TAF7: variants seen among roughly 807,000 people sequenced by gnomAD.
TAF7 encodes the protein transcription initiation factor TFIID subunit 7.
TAF7 carries 9 observed loss-of-function variants against 25.3 expected under a neutral mutation model. The observed-to-expected ratio is 0.36, with a 90% CI of 0.21 to 0.62. The LOEUF (loss-of-function observed/expected upper bound fraction) is 0.62. TAF7 is among the 20% of genes least tolerant of loss of function. The pLI, the probability that TAF7 is intolerant of heterozygous loss-of-function variation, is 0.72. For missense variants in TAF7, 311 were observed against 410.6 expected, an observed-to-expected ratio of 0.76 and a Z score of 2.10; for synonymous variants, 127 against 146.7, an observed-to-expected ratio of 0.87 and a Z score of 0.97.
rs559439189 is a variant in TAF7, at chr5:141,319,824, A to G, written c.221T>C (p.Met74Thr). The G allele has an allele frequency of 6.4e-5, 104 of 1,614,166 alleles. No homozygotes were observed. The South Asian group carries it at 9.0e-4, about 14-fold the overall frequency. Residue 74 changes from methionine (M) to threonine (T), a missense_variant, in exon 1 of 1, where the codon ATG becomes ACG. Physicochemically the swap from Met to Thr is moderately conservative, Grantham distance 81. This residue lies in a region of TAF7 where 119 missense variants were observed against 159.3 expected (regional missense o/e 0.75). Transcript: ENST00000313368. This position sits in a 1 kb window ranked among gnomAD's most constrained non-coding sequence, Gnocchi z 5.3. ...ASKLVDLPCV[M>T]ESLKTIDKKT... is the part of the protein sequence containing the mutation. ...TTTATCAATGGTTTTCAAGCTTTCC[A>G]TAACACAGGGCAGGTCTACTAATTT... is the stretch of plus-strand genomic sequence containing the variant.
Position 141,318,939 on chromosome 5 carries a change from C to G in TAF7, c.*56G>C, listed in dbSNP as rs1267972320. 2.3e-5 allele frequency: 34 copies of G among 1,459,030 alleles called. No individual in the cohort carries two copies. In the Admixed American group the frequency reaches 4.2e-4, roughly 18 times the overall value. The allele number at this position is 1,459,030 out of a possible 1,614,324, so 90.4% of individuals were successfully genotyped here. ...GGTCTTAATACCCAGTACAATAAAG[C>G]CAAGAATTTTCTAATGCTGACCAGT... is the stretch of plus-strand genomic sequence containing the variant. On this transcript the variant is annotated 3_prime_UTR_variant, in exon 1 of 1. Transcript: ENST00000313368.
Position 141,319,469 on chromosome 5 carries a change from T to A in TAF7, c.576A>T (p.Ala192=). 6.2e-7 allele frequency: 1 copy of A among 1,614,220 alleles called. No individual in the cohort carries two copies. Among genetic ancestry groups the A allele is most frequent in the Non-Finnish European group, 8.5e-7 (1 of 1,180,034 alleles). Residue 192 remains alanine (A), a synonymous_variant, in exon 1 of 1, where the codon GCA becomes GCT. Coordinates refer to ENST00000313368, the MANE Select transcript of TAF7 (RefSeq NM_005642.3). The surrounding 1 kb of genome is among the most constrained non-coding windows in gnomAD (Gnocchi z 5.3). ...AAGAGATATCCAGGCCTTGATTTTC[T>A]GCCTCCTTTGTTTCATCTTCGGCAA... is the stretch of plus-strand genomic sequence containing the variant. The part of the protein sequence containing the change: ...EIIAEDETKE[A]ENQGLDISSP...
In TAF7 at chr5:141,319,249, C is replaced by T. The variant is rs1756122105; in HGVS notation, c.796G>A (p.Glu266Lys). Residue 266 changes from glutamate to lysine, a missense_variant, in exon 1 of 1, where the codon GAA becomes AAA. By Grantham distance (56) the Glu-to-Lys change is moderately conservative. This residue lies in a region of TAF7 where 179 missense variants were observed against 206.7 expected (regional missense o/e 0.87). Transcript: ENST00000313368. This position sits in a 1 kb window ranked among gnomAD's most constrained non-coding sequence, Gnocchi z 5.3. ...QLQDKLNESD[E>K]QHQENEGTNQ... ...GTTCCTTCATTTTCCTGGTGCTGTTCATCTGATTCATTTAGCTTGTCCTGT... is the reference window on the plus strand; with the variant it reads ...GTTCCTTCATTTTCCTGGTGCTGTTTATCTGATTCATTTAGCTTGTCCTGT... 4 of 1,613,914 alleles carry T rather than the reference C, an allele frequency of 2.5e-6. No individual in the cohort carries two copies. The highest frequency in any genetic ancestry group is 1.7e-5 in the Admixed American group (1 of 59,994).
Position 141,319,179 on chromosome 5 carries a change from T to C in TAF7, c.866A>G (p.Lys289Arg). Residue 289 changes from lysine to arginine, a missense_variant, in exon 1 of 1, where the codon AAA (lysine) becomes AGA (arginine). Transcript: ENST00000313368. This position sits in a 1 kb window ranked among gnomAD's most constrained non-coding sequence, Gnocchi z 5.3. ...MGIQKQIDNM[K>R]GKLQETQDRA... ...GTCCTGGGTCTCTTGGAGCTTGCCT[T>C]TCATGTTGTCAATCTGCTTCTGAAT... 3.7e-6 allele frequency: 6 copies of C among 1,614,166 alleles called. No individual in the cohort carries two copies. The highest frequency in any genetic ancestry group is 4.2e-6 in the Non-Finnish European group (5 of 1,180,026).
rs1295617343 is a variant in TAF7, at chr5:141,319,305, A to G, written c.740T>C (p.Ile247Thr). 2.0e-5 allele frequency: 33 copies of G among 1,613,964 alleles called. No homozygotes were observed. Among genetic ancestry groups the G allele is most frequent in the Non-Finnish European group, 2.7e-5 (32 of 1,180,016 alleles). ...TCTCTCCAGATCTTCCTCCGTGTCA[A>G]TGATGTTTATATCTTCTTCATCTTG... Reference protein sequence around the residue: ...QHQDEEDINIIDTEEDLERQL... With the variant: ...QHQDEEDINITDTEEDLERQL... The change falls in exon 1 of 1, where the codon ATT becomes ACT. Residue 247 changes from isoleucine (I) to threonine (T), a missense_variant. Physicochemically the swap from Ile to Thr is moderately conservative, Grantham distance 89. Around this residue, in one of 3 missense-constraint regions of TAF7, gnomAD observed 179 missense variants for 206.7 expected, o/e 0.87. Transcript: ENST00000313368. The surrounding 1 kb of genome is among the most constrained non-coding windows in gnomAD (Gnocchi z 5.3).
chr5:141,319,519 C>G lies in TAF7; in HGVS notation c.526G>C (p.Ala176Pro), dbSNP rs1387924419. The change falls in exon 1 of 1, where the codon GCT becomes CCT. Residue 176 changes from alanine (A) to proline (P), a missense_variant. Coordinates refer to ENST00000313368, the MANE Select transcript of TAF7 (RefSeq NM_005642.3). The surrounding 1 kb of genome is among the most constrained non-coding windows in gnomAD (Gnocchi z 5.3). ...VKRLLSTDAE[A>P]VSTRWEIIAE... is the part of the protein sequence containing the mutation. ...ATTATTTCCCACCGAGTACTAACAG[C>G]TTCAGCATCTGTACTCAGCAATCGT... is the stretch of plus-strand genomic sequence containing the variant. 2 of 1,614,186 alleles carry G rather than the reference C, an allele frequency of 1.2e-6. No individual in the cohort carries two copies. The highest frequency in any genetic ancestry group is 3.3e-5 in the Admixed American group (2 of 60,032).
Position 141,319,386 on chromosome 5 carries a change from C to T in TAF7, c.659G>A (p.Arg220Gln), listed in dbSNP as rs983853019. The change falls in exon 1 of 1, where the codon CGG becomes CAG. Residue 220 changes from arginine (R) to glutamine (Q), a missense_variant. By Grantham distance (43) the Arg-to-Gln change is conservative. Coordinates refer to ENST00000313368, the MANE Select transcript of TAF7 (RefSeq NM_005642.3). The surrounding 1 kb of genome is among the most constrained non-coding windows in gnomAD (Gnocchi z 5.3). ...GCTGCTGAGGTCATTGAATATCTCC[C>T]GAAGCTCATCATGTTCTAATGAGTC... ...GHDSLEHDEL[R>Q]EIFNDLSSSS... The T allele has an allele frequency of 3.1e-6, 5 of 1,614,074 alleles. No homozygotes were observed. The highest frequency in any genetic ancestry group is 2.2e-5 in the South Asian group (2 of 91,070).
rs773714951 is a variant in TAF7, at chr5:141,319,094, T to C, written c.951A>G (p.Arg317=). 1.9e-6 allele frequency: 3 copies of C among 1,614,198 alleles called. No homozygotes were observed. Among genetic ancestry groups the C allele is most frequent in the Non-Finnish European group, 2.5e-6 (3 of 1,180,028 alleles). ...MKVENLALKN[R]FQAVLDELKQ... ...TGAGCTCATCCAGTACAGCCTGAAA[T>C]CTGTTCTTGAGAGCCAGATTTTCCA... Residue 317 remains arginine (R), a synonymous_variant, in exon 1 of 1, where the codon AGA becomes AGG. Transcript: ENST00000313368. This position sits in a 1 kb window ranked among gnomAD's most constrained non-coding sequence, Gnocchi z 5.3.
rs1223836224 is a variant in TAF7 at position 141,319,189 on chromosome 5, C to T, written c.856G>A (p.Asp286Asn). Reference sequence around the variant, plus strand: ...TCTTGGAGCTTGCCTTTCATGTTGTCAATCTGCTTCTGAATTCCCATAACC... The same window carrying T: ...TCTTGGAGCTTGCCTTTCATGTTGTTAATCTGCTTCTGAATTCCCATAACC... ...QLVMGIQKQIDNMKGKLQETQ... is the reference protein window; with the variant it reads ...QLVMGIQKQINNMKGKLQETQ... Residue 286 changes from aspartate to asparagine, a missense_variant, in exon 1 of 1, where the codon GAC becomes AAC. By Grantham distance (23) the Asp-to-Asn change is conservative (BLOSUM62 1). Around this residue, in one of 3 missense-constraint regions of TAF7, gnomAD observed 179 missense variants for 206.7 expected, o/e 0.87. Transcript: ENST00000313368. The surrounding 1 kb of genome is among the most constrained non-coding windows in gnomAD (Gnocchi z 5.3). The T allele has an allele frequency of 3.1e-6, 5 of 1,614,092 alleles. No individual in the cohort carries two copies. Among genetic ancestry groups the T allele is most frequent in the African/African-American group, 2.7e-5 (2 of 75,026 alleles).
Position 141,320,141 on chromosome 5 carries a change from G to A in TAF7, c.-97C>T. 5.5e-6 allele frequency: 6 copies of A among 1,085,568 alleles called. No homozygotes were observed. The highest frequency in any genetic ancestry group is 6.6e-6 in the Non-Finnish European group (5 of 761,448). The allele number at this position is 1,085,568 out of a possible 1,614,324, so 67.2% of individuals were successfully genotyped here. A position where few individuals can be genotyped will look rare whatever the true frequency, so the allele number is the denominator to read the frequency against. On this transcript the variant is annotated 5_prime_UTR_variant, in exon 1 of 1. Coordinates refer to ENST00000313368, the MANE Select transcript of TAF7 (RefSeq NM_005642.3). ...TTAAAACACCAGTTTGCTATGAATT[G>A]AAATCTTTTAATTACAAGAAGTTCT...
At position 141,319,968 on chromosome 5, in the gene TAF7, G is replaced by C; in HGVS notation, c.77C>G (p.Ser26Cys). The C allele has an allele frequency of 6.2e-7, 1 of 1,613,958 alleles. No homozygotes were observed. Among genetic ancestry groups the C allele is most frequent in the Non-Finnish European group, 8.5e-7 (1 of 1,179,978 alleles). The change falls in exon 1 of 1, where the codon TCT becomes TGT. Residue 26 changes from serine (S) to cysteine (C), a missense_variant. By Grantham distance (112) the Ser-to-Cys change is moderately radical (BLOSUM62 -1). Coordinates refer to ENST00000313368, the MANE Select transcript of TAF7 (RefSeq NM_005642.3). The surrounding 1 kb of genome is among the most constrained non-coding windows in gnomAD (Gnocchi z 5.3). ...FILRLPPEYA[S>C]TVRRAVQSGH... ...AGACTGTACTGCCCTTCTCACAGTA[G>C]AGGCATATTCTGGAGGCAGACGTAA...
chr5:141,318,771 A>G lies in TAF7; in HGVS notation c.*224T>C, dbSNP rs1756114828. The G allele has an allele frequency of 4.8e-6, 2 of 416,626 alleles. No homozygotes were observed. The highest frequency in any genetic ancestry group is 4.1e-5 in the African/African-American group (2 of 48,768). 25.8% of individuals were successfully genotyped at this position (416,626 alleles called of 1,614,324 possible). On this transcript the variant is annotated 3_prime_UTR_variant, in exon 1 of 1. Coordinates refer to ENST00000313368, the MANE Select transcript of TAF7 (RefSeq NM_005642.3). ...ATTCCGCTAATCCTGCAACTTTCCTACAATCATTTTTCTGCCTATACAATC... is the reference window on the plus strand; with the variant it reads ...ATTCCGCTAATCCTGCAACTTTCCTGCAATCATTTTTCTGCCTATACAATC...
Position 141,319,918 on chromosome 5 carries a change from G to A in TAF7, c.127C>T (p.Leu43=), listed in dbSNP as rs1008106969. Residue 43 remains leucine (L), a synonymous_variant, in exon 1 of 1, where the codon CTG becomes TTG. Transcript: ENST00000313368. The surrounding 1 kb of genome is among the most constrained non-coding windows in gnomAD (Gnocchi z 5.3). ...QSGHVNLKDR[L]TIELHPDGRH... ...CCATCAGGATGTAACTCAATTGTCA[G>A]TCTGTCCTTGAGGTTGACATGACCA... The A allele has an allele frequency of 1.8e-5, 29 of 1,613,822 alleles. No homozygotes were observed. The highest frequency in any genetic ancestry group is 2.4e-5 in the Non-Finnish European group (28 of 1,179,950).
Position 141,319,426 on chromosome 5 carries a change from G to T in TAF7, c.619C>A (p.His207Asn). 1 of 1,614,022 alleles carries T rather than the reference G, an allele frequency of 6.2e-7. No individual in the cohort carries two copies. Among genetic ancestry groups the T allele is most frequent in the South Asian group, 1.1e-5 (1 of 91,042 alleles). The part of the protein sequence containing the change: ...LDISSPGMSG[H>N]RQGHDSLEHD... ...TCTAATGAGTCATGGCCCTGCCTGT[G>T]ACCAGACATTCCTGGAGAAGAGATA... Residue 207 changes from histidine (H) to asparagine (N), a missense_variant, in exon 1 of 1, where the codon CAC becomes AAC. This residue lies in a region of TAF7 where 179 missense variants were observed against 206.7 expected (regional missense o/e 0.87). Transcript: ENST00000313368. The surrounding 1 kb of genome is among the most constrained non-coding windows in gnomAD (Gnocchi z 5.3).
chr5:141,318,611 C>G lies in TAF7; in HGVS notation c.*384G>C, dbSNP rs1262018876. 1.2e-5 allele frequency: 2 copies of G among 160,946 alleles called. No homozygotes were observed. Among genetic ancestry groups the G allele is most frequent in the African/African-American group, 4.8e-5 (2 of 41,792 alleles). 10.0% of individuals were successfully genotyped at this position (160,946 alleles called of 1,614,324 possible). On this transcript the variant is annotated 3_prime_UTR_variant, in exon 1 of 1. Coordinates refer to ENST00000313368, the MANE Select transcript of TAF7 (RefSeq NM_005642.3). Reference sequence around the variant, plus strand: ...CAATTATTGCATAGGAAAACATATGCAAACTAGCATCATTGTCTCTAGACT... The same window carrying G: ...CAATTATTGCATAGGAAAACATATGGAAACTAGCATCATTGTCTCTAGACT...
Position 141,319,612 on chromosome 5 carries a change from T to C in TAF7, c.433A>G (p.Lys145Glu). Residue 145 changes from lysine (K) to glutamate (E), a missense_variant, in exon 1 of 1, where the codon AAG becomes GAG. Physicochemically the swap from Lys to Glu is moderately conservative, Grantham distance 56. Around this residue, in one of 3 missense-constraint regions of TAF7, gnomAD observed 13 missense variants for 44.6 expected, o/e 0.29. Transcript: ENST00000313368. The surrounding 1 kb of genome is among the most constrained non-coding windows in gnomAD (Gnocchi z 5.3). ...GITLPLKNVR[K>E]RRFRKTAKKK... ...TTTGCTGTCTTCCGGAACCTTCTCT[T>C]CCTGACATTCTTTAGAGGCAGAGTA... The C allele has an allele frequency of 6.2e-7, 1 of 1,614,204 alleles. No homozygotes were observed. The highest frequency in any genetic ancestry group is 8.5e-7 in the Non-Finnish European group (1 of 1,180,036).
Position 141,320,089 on chromosome 5 carries a change from C to T in TAF7, c.-45G>A, listed in dbSNP as rs751891312. On this transcript the variant is annotated 5_prime_UTR_variant, in exon 1 of 1. It adds an upstream start codon to the 5' untranslated region. Transcript: ENST00000313368. ...ACTTCTCCAATAAATGCTGGTTACA[C>T]TAAAAAGTTCCAGCTACTGCAATAG... is the stretch of plus-strand genomic sequence containing the variant. 6.5e-7 allele frequency: 1 copy of T among 1,541,314 alleles called. No homozygotes were observed. The highest frequency in any genetic ancestry group is 8.8e-7 in the Non-Finnish European group (1 of 1,135,858).
Position 141,319,553 on chromosome 5 carries a change from T to C in TAF7, c.492A>G (p.Lys164=), listed in dbSNP as rs1252702807. 2.5e-6 allele frequency: 4 copies of C among 1,614,046 alleles called. No homozygotes were observed. The highest frequency in any genetic ancestry group is 2.7e-5 in the African/African-American group (2 of 74,928). The change falls in exon 1 of 1, where the codon AAA becomes AAG. Residue 164 remains lysine (K), a synonymous_variant. Transcript: ENST00000313368. This position sits in a 1 kb window ranked among gnomAD's most constrained non-coding sequence, Gnocchi z 5.3. ...KKYIESPDVE[K]EVKRLLSTDA... ...CTGTACTCAGCAATCGTTTCACTTC[T>C]TTTTCAACATCTGGAGATTCAATAT... is the stretch of plus-strand genomic sequence containing the variant.
Position 141,320,104 on chromosome 5 carries a change from T to A in TAF7, c.-60A>T. 2.8e-6 allele frequency: 4 copies of A among 1,450,318 alleles called. No individual in the cohort carries two copies. Among genetic ancestry groups the A allele is most frequent in the Non-Finnish European group, 3.8e-6 (4 of 1,064,800 alleles). The allele number at this position is 1,450,318 out of a possible 1,614,324, so 89.8% of individuals were successfully genotyped here. ...GCTGGTTACACTAAAAAGTTCCAGC[T>A]ACTGCAATAGTTTAAAACACCAGTT... On this transcript the variant is annotated 5_prime_UTR_variant, in exon 1 of 1. Coordinates refer to ENST00000313368, the MANE Select transcript of TAF7 (RefSeq NM_005642.3).
Sources: allele counts gnomAD v4.1 joint callset, GRCh38; gene constraint gnomAD v4.1.1; regional missense constraint gnomAD v4.1.1; non-coding constraint Gnocchi (gnomAD v3.1); transcripts MANE v1.5; gene names NCBI Gene and HGNC (gene_info 2026-07-23, HGNC 2026-07-21).